Variants in LRP2 observed in about 807,000 individuals in gnomAD.
LRP2 encodes low-density lipoprotein receptor-related protein 2.
In LRP2, 172 loss-of-function variants were observed where a neutral mutation model predicts 531.0. The ratio of observed to expected loss-of-function variants is 0.32; its 90% CI spans 0.29 to 0.37. The LOEUF (loss-of-function observed/expected upper bound fraction) is 0.37. Among genes scored for constraint, LRP2 ranks in the 10% least tolerant of loss-of-function variants. The pLI, the probability that LRP2 is intolerant of heterozygous loss-of-function variation, is 1.00. For missense variants in LRP2, 5,167 were observed against 5,868.3 expected (o/e 0.88, Z 3.90); for synonymous variants, 1,992 against 2,027.6 (o/e 0.98, Z 0.47).
rs1257619143 is a variant in LRP2, at chr2:169,173,948, T to C, written c.10985A>G (p.Asp3662Gly). 1 of 1,614,068 alleles carries C rather than the reference T, an allele frequency of 6.2e-7. No individual in the cohort carries two copies. The highest frequency in any genetic ancestry group is 1.3e-5 in the African/African-American group (1 of 74,928). ...TTCTTCAATGGGCTCATCCGAGTGG[T>C]CTCCACAATCATTATCCACATCACA... is the stretch of plus-strand genomic sequence containing the variant. ...WKCDVDNDCG[D>G]HSDEPIEECM... Residue 3662 changes from aspartate to glycine, a missense_variant, in exon 56 of 79, where the codon GAC becomes GGC. Transcript: ENST00000649046.
chr2:169,128,838 T>C lies in LRP2; in HGVS notation c.13801-8A>G, dbSNP rs1558966434. On this transcript the variant is annotated splice_region_variant and splice_polypyrimidine_tract_variant and intron_variant, in intron 78 of 78. Coordinates refer to ENST00000649046, the MANE Select transcript of LRP2 (RefSeq NM_004525.3). Reference sequence around the variant, plus strand: ...CTTTTGCTCGTTCTCCATCTAAGAATACAATGTAACAGGAATCAGCCATTT... The same window carrying C: ...CTTTTGCTCGTTCTCCATCTAAGAACACAATGTAACAGGAATCAGCCATTT... The C allele has an allele frequency of 6.2e-7, 1 of 1,614,072 alleles. No individual in the cohort carries two copies. The highest frequency in any genetic ancestry group is 8.5e-7 in the Non-Finnish European group (1 of 1,179,968).
At position 169,175,382 on chromosome 2, in the gene LRP2, G is replaced by A; in HGVS notation, c.10579C>T (p.Pro3527Ser). 6.2e-7 allele frequency: 1 copy of A among 1,614,052 alleles called. No homozygotes were observed. Among genetic ancestry groups the A allele is most frequent in the South Asian group, 1.1e-5 (1 of 91,046 alleles). Residue 3527 changes from proline to serine, a missense_variant, in exon 55 of 79, where the codon CCT (proline) becomes TCT (serine). Pro to Ser is a moderately conservative substitution (Grantham distance 74). Coordinates refer to ENST00000649046, the MANE Select transcript of LRP2 (RefSeq NM_004525.3). ...TGTCCATCACATTTCCACCAGATAGGAATGCACCTGCACAGAGAACATACA... is the reference window on the plus strand; with the variant it reads ...TGTCCATCACATTTCCACCAGATAGAAATGCACCTGCACAGAGAACATACA... ...FLCANNEKCI[P>S]IWWKCDGQKD...
chr2:169,353,350 G>A (rs142451424), intron 1 of LRP2, among the ~76,000 whole-genome samples: 244 of 152,238 alleles, frequency 1.6e-3, no homozygotes, highest in Non-Finnish European at 2.5e-3. Context: ...AAGCCAGACC[G>A]CACACAAAGG....
rs531277201 is a variant in LRP2 at position 169,297,190 on chromosome 2, T to C, written c.428-2480A>G. On this transcript the variant is annotated intron_variant, in intron 4 of 78. Transcript: ENST00000649046. ...AACACTGAGCAAAGAAAGAAATGAA[T>C]GGATTCTACTACCATTGCTAAAGAT... is the stretch of plus-strand genomic sequence containing the variant. Among the ~76,000 whole-genome samples the C allele has an allele frequency of 2.6e-5, 4 of 152,314 alleles. No individual in the cohort carries two copies. In the South Asian group the frequency reaches 8.3e-4, roughly 32 times the overall value.
intron 33 of LRP2, among the ~76,000 whole-genome samples, chr2:169,221,842 T>C (rs745695396): frequency 6.6e-6 from 1 of 152,192 alleles, no homozygotes; most frequent in Non-Finnish European, 1.5e-5. Context: ...CTCTCTCCTT[T>C]TCCTAAGACT....
chr2:169,190,586 T>G (rs1026847551), intron 48 of LRP2, among the ~76,000 whole-genome samples: 1 of 152,210 alleles, frequency 6.6e-6, no homozygotes, highest in Non-Finnish European at 1.5e-5. Context: ...TCTCTGATCT[T>G]GTGCCTACTT....
chr2:169,129,200 C>T, intron 77 of LRP2, 116 bp from the exon 78 acceptor site: 1 of 780,582 alleles, frequency 1.3e-6, no homozygotes, highest in Admixed American at 1.9e-5. Flanking sequence ...CAATTTGGGA[C>T]CTGGGACCAT....
At position 169,256,145 on chromosome 2, in the gene LRP2, C is replaced by G; in HGVS notation, c.2731G>C (p.Glu911Gln). 1 of 1,613,034 alleles carries G rather than the reference C, an allele frequency of 6.2e-7. No homozygotes were observed. The highest frequency in any genetic ancestry group is 8.5e-7 in the Non-Finnish European group (1 of 1,179,238). Residue 911 changes from glutamate to glutamine, a missense_variant, in exon 19 of 79, where the codon GAG (glutamate) becomes CAG (glutamine). By Grantham distance (29) the Glu-to-Gln change is conservative. Coordinates refer to ENST00000649046, the MANE Select transcript of LRP2 (RefSeq NM_004525.3). ...GLDRRRLGHI[E>Q]QMTHPFGLAI... Reference sequence around the variant, plus strand: ...AGTCCAAACGGATGTGTCATCTGCTCTATATGGCCCAGTCTTCTTCTGTCT... The same window carrying G: ...AGTCCAAACGGATGTGTCATCTGCTGTATATGGCCCAGTCTTCTTCTGTCT...
At chr2:169,143,288 A>C (rs1685790503) in intron 70 of LRP2, among the ~76,000 whole-genome samples, 2 of 152,196 alleles carry the variant, frequency 1.3e-5, no homozygotes, top group African/African-American at 4.8e-5. Context: ...AGTTACCTTA[A>C]TTGCAAGAAA....
intron 78 of LRP2, 40 bp from the exon 79 acceptor site, chr2:169,128,870 C>T (rs1199216564): frequency 4.4e-6 from 7 of 1,609,024 alleles, no homozygotes; most frequent in African/African-American, 2.7e-5. Context: ...ATTTATTCCC[C>T]CAAGGTCACC....
At position 169,148,368 on chromosome 2, in the gene LRP2, C is replaced by T. The variant is rs547480799; in HGVS notation, c.12591-1409G>A. ...TAGGGTGATGAAAATGCTTTAAAAC[C>T]GATTATGATGATGGATACACAACTC... On this transcript the variant is annotated intron_variant, in intron 68 of 78. Transcript: ENST00000649046. 5.0e-4 allele frequency among the ~76,000 whole-genome samples: 76 copies of T among 152,102 alleles called. 1 individual carries two copies. The highest frequency in any genetic ancestry group is 5.9e-5 in the Non-Finnish European group (4 of 67,994).
At chr2:169,232,942 G>A (rs985691742) in intron 30 of LRP2, among the ~76,000 whole-genome samples, 10 of 152,162 alleles carry the variant, frequency 6.6e-5, no homozygotes, top group Non-Finnish European at 8.8e-5. Flanking sequence ...AGAACAGTAC[G>A]GATGCCAAGT....
chr2:169,225,951 G>T (rs1334902645), intron 32 of LRP2, among the ~76,000 whole-genome samples: 1 of 152,166 alleles, frequency 6.6e-6, no homozygotes, highest in Non-Finnish European at 1.5e-5. Flanking sequence ...GGATTCTAAA[G>T]GAAGGCCCCA....
chr2:169,309,183 C>T (rs960955072), intron 3 of LRP2, among the ~76,000 whole-genome samples: 4 of 152,140 alleles, frequency 2.6e-5, no homozygotes, highest in Non-Finnish European at 5.9e-5. Context: ...TGCCTGTTCA[C>T]TCTGATGGTA....
chr2:169,193,263 CA>C (rs11378293), intron 47 of LRP2, among the ~76,000 whole-genome samples: 49 of 145,952 alleles, frequency 3.4e-4, no homozygotes, highest in Admixed American at 7.5e-4. Context: ...TTCGTCTCTA[CA>C]AAAAAAAAAG....
intron 4 of LRP2, among the ~76,000 whole-genome samples, chr2:169,295,856 G>A (rs1015117108): frequency 2.0e-5 from 3 of 151,882 alleles, no homozygotes; most frequent in African/African-American, 7.3e-5. Context: ...TATCTTCCTT[G>A]GTCTGACCAT....
At chr2:169,185,409 A>G (rs111315899) in intron 50 of LRP2, 94 bp downstream of exon 50, 1 of 1,289,482 alleles carries the variant, frequency 7.8e-7, no homozygotes, top group South Asian at 1.3e-5. Flanking sequence ...CTGCATATTA[A>G]CCCAAGTTGA....
chr2:169,325,972 C>T (rs1289161450), intron 1 of LRP2, among the ~76,000 whole-genome samples: 1 of 151,908 alleles, frequency 6.6e-6, no homozygotes, highest in African/African-American at 2.4e-5. Flanking sequence ...CATGTAGACA[C>T]ATCATTTAAG....
chr2:169,344,272 C>G (rs1019559720), intron 1 of LRP2, among the ~76,000 whole-genome samples: 1 of 151,974 alleles, frequency 6.6e-6, no homozygotes, highest in African/African-American at 2.4e-5. Context: ...CTCCCCTAGC[C>G]CCCCAACCCC....
Sources: gnomAD v4.1 joint callset for allele counts (sites outside exome capture counted in the v4.1 genomes callset) on GRCh38, gnomAD v4.1.1 for gene constraint, MANE v1.5 for transcripts, NCBI Gene and HGNC (gene_info 2026-07-23, HGNC 2026-07-21) for gene names.